FILIP1L: variants seen among roughly 807,000 people sequenced by gnomAD.
FILIP1L encodes the protein filamin A interacting protein 1 like, also known as filamin A-interacting protein 1-like.
FILIP1L carries 55 observed loss-of-function variants against 96.6 expected under a neutral mutation model. The ratio of observed to expected loss-of-function variants is 0.57; its 90% CI spans 0.46 to 0.71. The LOEUF is 0.71. FILIP1L is among the 30% of genes least tolerant of loss of function. The pLI is 0.00. For synonymous variants in FILIP1L, 467 were observed against 473.9 expected (o/e 0.99, Z 0.19); for missense variants, 1,304 against 1,321.2 (o/e 0.99, Z 0.20).
chr3:99,947,479 G>A (rs977416848), intron 1 of FILIP1L, among the ~76,000 whole-genome samples: 1 of 152,090 alleles, frequency 6.6e-6, no homozygotes, highest in African/African-American at 2.4e-5. Context: ...CTTCACCTTA[G>A]TGGCCTTTTC....
intron 1 of FILIP1L, among the ~76,000 whole-genome samples, chr3:99,942,060 C>T (rs1005516272): frequency 6.6e-6 from 1 of 151,930 alleles, no homozygotes; most frequent in Admixed American, 6.6e-5. Context: ...ACTAAAAATA[C>T]AAAAAAATTA....
In FILIP1L at chr3:100,114,063, C is replaced by T. The variant is rs564228302; in HGVS notation, c.-21G>A. On this transcript the variant is annotated 5_prime_UTR_variant, in exon 1 of 6. Coordinates refer to ENST00000477258, the MANE Select transcript of FILIP1L (RefSeq NM_001387850.1). ...GGACACTTAGCTTACCGTGCAGGTA[C>T]CGTGCAGGTGTTGATCACACCTGGT... 6.6e-5 allele frequency: 10 copies of T among 151,912 alleles called. No homozygotes were observed. Among genetic ancestry groups the T allele is most frequent in the Non-Finnish European group, 1.3e-4 (9 of 68,036 alleles). The allele number at this position is 151,912 out of a possible 1,614,324, so 9.4% of individuals were successfully genotyped here.
intron 1 of FILIP1L, among the ~76,000 whole-genome samples, chr3:99,985,245 T>G (rs1448760846): frequency 6.6e-6 from 1 of 152,122 alleles, no homozygotes; most frequent in African/African-American, 2.4e-5. Flanking sequence ...AAGAAAGTGA[T>G]CTAGGGCCCA....
rs12637077 is a variant in FILIP1L, at chr3:100,026,403, G to A, written c.-11+87650C>T. Among the ~76,000 whole-genome samples, 94 of 152,084 alleles carry A rather than the reference G, an allele frequency of 6.2e-4. No individual in the cohort carries two copies. In the East Asian group the frequency reaches 0.017, roughly 27 times the overall value. ...CAGACATAAAACAAGGAGCAAGGTC[G>A]ATAGTGAACCAAAGGGCCAGTGTCT... On this transcript the variant is annotated intron_variant, in intron 1 of 5. Transcript: ENST00000477258.
At chr3:99,949,087 C>A (rs1708100982) in intron 1 of FILIP1L, among the ~76,000 whole-genome samples, 1 of 151,406 alleles carries the variant, frequency 6.6e-6, no homozygotes, top group Non-Finnish European at 1.5e-5. Flanking sequence ...GAGTAAATTC[C>A]AAAAAAAATT....
intron 4 of FILIP1L, among the ~76,000 whole-genome samples, chr3:99,899,621 G>A (rs1312341270): frequency 6.6e-6 from 1 of 152,160 alleles, no homozygotes; most frequent in African/African-American, 2.4e-5. Flanking sequence ...CTAGGACAAA[G>A]TACTAGGAAT....
chr3:99,985,346 A>G (rs1709306880), intron 1 of FILIP1L, among the ~76,000 whole-genome samples: 1 of 152,074 alleles, frequency 6.6e-6, no homozygotes, highest in African/African-American at 2.4e-5. Flanking sequence ...AGCCCGAACA[A>G]CATGGCGAAA....
At chr3:100,095,480 C>A (rs2066189084) in intron 1 of FILIP1L, among the ~76,000 whole-genome samples, 1 of 151,916 alleles carries the variant, frequency 6.6e-6, no homozygotes, top group Non-Finnish European at 1.5e-5. Flanking sequence ...CTACAGTGAA[C>A]TTAATTTTGA....
chr3:99,924,866 T>G (rs1381816519), intron 3 of FILIP1L, among the ~76,000 whole-genome samples: 1 of 152,246 alleles, frequency 6.6e-6, no homozygotes, highest in Non-Finnish European at 1.5e-5. Flanking sequence ...ATTCTCTTGT[T>G]AATTGATACT....
At chr3:99,934,997 G>A (rs1470777870) in intron 1 of FILIP1L, among the ~76,000 whole-genome samples, 1 of 152,112 alleles carries the variant, frequency 6.6e-6, no homozygotes, top group East Asian at 1.9e-4. Context: ...GGTCTACTGA[G>A]GAGCATGTGT....
intron 1 of FILIP1L, among the ~76,000 whole-genome samples, chr3:100,015,463 T>C (rs1328501862): frequency 6.6e-6 from 1 of 152,230 alleles, no homozygotes; most frequent in African/African-American, 2.4e-5. Context: ...ATCTACAAAT[T>C]GCTGTGGGTG....
chr3:99,914,805 G>A (rs1706901835), intron 4 of FILIP1L, among the ~76,000 whole-genome samples: 2 of 152,180 alleles, frequency 1.3e-5, no homozygotes, highest in African/African-American at 4.8e-5. Flanking sequence ...GACAAAGGAG[G>A]AATATAAATG....
intron 4 of FILIP1L, among the ~76,000 whole-genome samples, chr3:99,872,847 T>C (rs539008011): frequency 6.6e-6 from 1 of 152,104 alleles, no homozygotes; most frequent in African/African-American, 2.4e-5. Flanking sequence ...AGCCTTCCCA[T>C]TTTTGTTTGC....
In FILIP1L at chr3:100,070,693, G is replaced by A. The variant is rs577599426; in HGVS notation, c.-11+43360C>T. On this transcript the variant is annotated intron_variant, in intron 1 of 5. Transcript: ENST00000477258. ...TTGGCCCACGCTGGAGTGCAGTGGCGCAATCTCGGCTCACTGCAACCTCCA... is the reference window on the plus strand; with the variant it reads ...TTGGCCCACGCTGGAGTGCAGTGGCACAATCTCGGCTCACTGCAACCTCCA... Among the ~76,000 whole-genome samples, 384 of 152,192 alleles carry A rather than the reference G, an allele frequency of 2.5e-3. 4 individuals are homozygous for A. The highest frequency in any genetic ancestry group is 8.7e-3 in the African/African-American group (362 of 41,502).
chr3:100,026,632 G>C (rs908871197), intron 1 of FILIP1L, among the ~76,000 whole-genome samples: 4 of 152,094 alleles, frequency 2.6e-5, no homozygotes, highest in African/African-American at 9.7e-5. Flanking sequence ...CTTCACTCCT[G>C]TCTTCCTTTC....
At chr3:100,012,738 T>C (rs1327885480) in intron 1 of FILIP1L, among the ~76,000 whole-genome samples, 1 of 151,640 alleles carries the variant, frequency 6.6e-6, no homozygotes, top group Non-Finnish European at 1.5e-5. Context: ...GATGGATTGA[T>C]TTCTGGATCC....
At chr3:100,050,745 G>C (rs914358407) in intron 1 of FILIP1L, among the ~76,000 whole-genome samples, 1 of 152,134 alleles carries the variant, frequency 6.6e-6, no homozygotes, top group African/African-American at 2.4e-5. Flanking sequence ...GGCCAGGCTG[G>C]TCTCGAACTC....
At chr3:99,929,225 TCCCTAGTGGTGGCC>T (rs1312060647) in intron 3 of FILIP1L, among the ~76,000 whole-genome samples, 7 of 152,210 alleles carry the variant, frequency 4.6e-5, no homozygotes, top group African/African-American at 1.7e-4. Context: ...TACTGCCTTC[TCCCTAGTGGTGGCC>T]CTGTTGGGAC....
intron 1 of FILIP1L, among the ~76,000 whole-genome samples, chr3:99,973,778 T>C (rs1708890749): frequency 6.6e-6 from 1 of 152,246 alleles, no homozygotes; most frequent in African/African-American, 2.4e-5. Context: ...AAGGCAGAGA[T>C]TGGGATGCAG....
Sources: allele counts gnomAD v4.1 joint callset (sites outside exome capture counted in the v4.1 genomes callset), GRCh38; gene constraint gnomAD v4.1.1; transcripts MANE v1.5; gene names NCBI Gene and HGNC (gene_info 2026-07-23, HGNC 2026-07-21).